Variants in SPOCK3 observed in about 807,000 individuals in gnomAD.
The protein encoded by SPOCK3 is SPARC (osteonectin), cwcv and kazal like domains proteoglycan 3.
In SPOCK3, 30 loss-of-function variants were observed where a neutral mutation model predicts 56.6. That is an observed-to-expected ratio of 0.53 (90% CI 0.40 to 0.72). SPOCK3 has a LOEUF of 0.72. SPOCK3 is among the 30% of genes least tolerant of loss of function. The pLI is 0.00. For missense variants in SPOCK3, 527 were observed against 530.0 expected, an observed-to-expected ratio of 0.99 and a Z score of 0.06; for synonymous variants, 196 against 183.3, an observed-to-expected ratio of 1.07 and a Z score of -0.56.
At chr4:166,937,473 T>G (rs1740547856) in intron 4 of SPOCK3, among the ~76,000 whole-genome samples, 1 of 148,652 alleles carries the variant, frequency 6.7e-6, no homozygotes, top group South Asian at 2.1e-4. Context: ...CATACATCTA[T>G]GAGTTCTTGT....
At chr4:166,804,420 C>G (rs897826759) in intron 6 of SPOCK3, among the ~76,000 whole-genome samples, 1 of 152,030 alleles carries the variant, frequency 6.6e-6, no homozygotes, top group Non-Finnish European at 1.5e-5. Context: ...TCACCAAATA[C>G]AGTCACATTC....
intron 6 of SPOCK3, among the ~76,000 whole-genome samples, chr4:166,860,696 G>C (rs1043551988): frequency 4.6e-5 from 7 of 150,648 alleles, no homozygotes; most frequent in South Asian, 2.1e-4. Flanking sequence ...TATTACTAAG[G>C]GTTAATAAGT....
At chr4:166,899,508 CTT>C (rs781766258) in intron 5 of SPOCK3, among the ~76,000 whole-genome samples, 10 of 119,098 alleles carry the variant, frequency 8.4e-5, no homozygotes, top group Admixed American at 2.9e-4. Context: ...TTCTTTCTTT[CTT>C]TTTTTTTTTT....
chr4:166,851,348 T>TA (rs923461080), intron 6 of SPOCK3, among the ~76,000 whole-genome samples: 14 of 152,122 alleles, frequency 9.2e-5, no homozygotes, highest in African/African-American at 3.1e-4. Context: ...CAAAAGTAGA[T>TA]AAAACCACAA....
At chr4:166,947,425 G>A (rs1298537022) in intron 4 of SPOCK3, among the ~76,000 whole-genome samples, 2 of 152,060 alleles carry the variant, frequency 1.3e-5, no homozygotes, top group Admixed American at 6.6e-5. Context: ...ATAACGCTGT[G>A]CAGAACTTTG....
At chr4:167,027,928 G>C (rs1400544715) in intron 3 of SPOCK3, among the ~76,000 whole-genome samples, 1 of 151,840 alleles carries the variant, frequency 6.6e-6, no homozygotes, top group Admixed American at 6.6e-5. Flanking sequence ...CCTAAGTTTT[G>C]TTTTTTGTTT....
intron 2 of SPOCK3, among the ~76,000 whole-genome samples, chr4:167,226,898 C>G (rs1424610191): frequency 1.3e-5 from 2 of 152,056 alleles, no homozygotes; most frequent in Admixed American, 6.6e-5. Context: ...GATTCAGGGT[C>G]TCCTTTCTGC....
intron 7 of SPOCK3, among the ~76,000 whole-genome samples, chr4:166,786,296 T>C (rs1740721917): frequency 6.6e-6 from 1 of 152,144 alleles, no homozygotes; most frequent in Non-Finnish European, 1.5e-5. Flanking sequence ...TACAACACTT[T>C]CTGGAAGTCA....
intron 4 of SPOCK3, among the ~76,000 whole-genome samples, chr4:166,994,170 A>G (rs1289722771): frequency 1.3e-5 from 2 of 152,188 alleles, no homozygotes; most frequent in Admixed American, 6.6e-5. Context: ...ACCAACACCC[A>G]TGATCATAAA....
intron 6 of SPOCK3, among the ~76,000 whole-genome samples, chr4:166,868,676 T>C (rs1284161289): frequency 6.6e-6 from 1 of 152,102 alleles, no homozygotes; most frequent in Non-Finnish European, 1.5e-5. Context: ...TTTTATCTAT[T>C]TAAACATAAG....
intron 7 of SPOCK3, among the ~76,000 whole-genome samples, chr4:166,770,978 T>C (rs1365871495): frequency 1.3e-5 from 2 of 150,648 alleles, no homozygotes; most frequent in Non-Finnish European, 1.5e-5. Context: ...ATCTTGTTTA[T>C]AAATATTTAT....
At chr4:166,756,057 A>G (rs1447979444) in intron 7 of SPOCK3, among the ~76,000 whole-genome samples, 1 of 34,096 alleles carries the variant, frequency 2.9e-5, no homozygotes, top group African/African-American at 1.2e-4. Context: ...AAGCAGGGCG[A>G]GGCATTGCCT....
rs1322126796 is a variant in SPOCK3 at position 166,733,671 on chromosome 4, T to C, written c.*1250A>G. On this transcript the variant is annotated 3_prime_UTR_variant, in exon 11 of 11. Transcript: ENST00000357545. The stretch of plus-strand genomic sequence containing the variant: ...TTAAAAGTGATGGTGTGCCAAAATG[T>C]CTACACAATTAATTAACATGCTAAC... The C allele has an allele frequency of 6.6e-6, 1 of 152,244 alleles. No homozygotes were observed. The highest frequency in any genetic ancestry group is 2.4e-5 in the African/African-American group (1 of 41,424). 9.4% of individuals were successfully genotyped at this position (152,244 alleles called of 1,614,324 possible).
intron 5 of SPOCK3, 38 bp downstream of exon 5, chr4:166,912,582 T>C: frequency 6.3e-7 from 1 of 1,583,972 alleles, no homozygotes; most frequent in Non-Finnish European, 8.7e-7. Context: ...TAAGTATGCA[T>C]CCCTTATTTC....
At chr4:166,767,204 T>G (rs1308196325) in intron 7 of SPOCK3, among the ~76,000 whole-genome samples, 2 of 152,186 alleles carry the variant, frequency 1.3e-5, no homozygotes, top group Non-Finnish European at 1.5e-5. Flanking sequence ...TCTGCTCTGA[T>G]CTTAGTTATT....
At chr4:166,767,140 CT>C (rs1469407732) in intron 7 of SPOCK3, among the ~76,000 whole-genome samples, 1 of 152,052 alleles carries the variant, frequency 6.6e-6, no homozygotes, top group Non-Finnish European at 1.5e-5. Flanking sequence ...AAAAAACCAG[CT>C]TCTGGATTCA....
intron 2 of SPOCK3, among the ~76,000 whole-genome samples, chr4:167,118,334 T>C (rs971599328): frequency 7.2e-5 from 11 of 152,162 alleles, no homozygotes; most frequent in Non-Finnish European, 4.4e-5. Context: ...ATAAATCCAG[T>C]GTAATTATTT....
At chr4:167,056,924 A>T (rs952043554) in intron 3 of SPOCK3, among the ~76,000 whole-genome samples, 3 of 152,140 alleles carry the variant, frequency 2.0e-5, no homozygotes, top group African/African-American at 7.2e-5. Flanking sequence ...CAGATTCAGG[A>T]AATACAGAGA....
chr4:166,931,330 T>TG (rs66996922), intron 4 of SPOCK3, among the ~76,000 whole-genome samples: 16 of 60,858 alleles, frequency 2.6e-4, no homozygotes, highest in African/African-American at 9.6e-4. Context: ...TAGGTGTGTG[T>TG]GGGGGGTGGG....
Sources: allele counts gnomAD v4.1 joint callset (sites outside exome capture counted in the v4.1 genomes callset), GRCh38; gene constraint gnomAD v4.1.1; transcripts MANE v1.5; gene names NCBI Gene and HGNC (gene_info 2026-07-23, HGNC 2026-07-21).